SOX30: variants seen among roughly 807,000 people sequenced by gnomAD.
SOX30 encodes transcription factor SOX-30.
In SOX30, 17 loss-of-function variants were observed where a neutral mutation model predicts 58.6. The ratio of observed to expected loss-of-function variants is 0.29; its 90% CI spans 0.20 to 0.44. The LOEUF is 0.44. Ranked by LOEUF, SOX30 falls within the 20% of genes least tolerant of loss-of-function variation. The pLI, the probability that SOX30 is intolerant of heterozygous loss-of-function variation, is 1.00. For synonymous variants in SOX30, 421 were observed against 400.2 expected, an observed-to-expected ratio of 1.05 and a Z score of -0.62; for missense variants, 951 against 965.8, an observed-to-expected ratio of 0.98 and a Z score of 0.20.
At chr5:157,665,111 G>A (rs1408385899) in intron 2 of SOX30, among the ~76,000 whole-genome samples, 2 of 152,164 alleles carry the variant, frequency 1.3e-5, no homozygotes, top group Admixed American at 6.6e-5. Context: ...TATACCCAAA[G>A]GATTATAAAT....
chr5:157,651,859 T>G lies in SOX30; in HGVS notation c.220A>C (p.Lys74Gln), dbSNP rs766152126. The change falls in exon 1 of 5, where the codon AAG (lysine) becomes CAG (glutamine). Residue 74 changes from lysine (K) to glutamine (Q), a missense_variant. Physicochemically the swap from Lys to Gln is moderately conservative, Grantham distance 53. Transcript: ENST00000265007. ...GGTAGCAGCAACACCTGCTCTGGCTTCACCTGCAGCAGCCGCCGCACCGCG... is the reference window on the plus strand; with the variant it reads ...GGTAGCAGCAACACCTGCTCTGGCTGCACCTGCAGCAGCCGCCGCACCGCG... ...QPAVRRLLQV[K>Q]PEQVLLLPQP... 3.8e-6 allele frequency: 6 copies of G among 1,571,208 alleles called. No homozygotes were observed. Among genetic ancestry groups the G allele is most frequent in the Non-Finnish European group, 2.6e-6 (3 of 1,163,284 alleles).
Position 157,626,577 on chromosome 5 carries a change from G to A in SOX30, c.2025C>T (p.Tyr675=). The change falls in exon 5 of 5, where the codon TAC becomes TAT. Residue 675 remains tyrosine (Y), a synonymous_variant. Transcript: ENST00000265007. ...TTTCACTGTGTGTGCATTCACTTGA[G>A]TAGTCTCTAAAAGAATAGTCTCTAT... ...TLNRDYSFRD[Y]SSECTHSENS... is the part of the protein sequence containing the mutation. 2.5e-6 allele frequency: 4 copies of A among 1,614,138 alleles called. No homozygotes were observed. The highest frequency in any genetic ancestry group is 3.4e-6 in the Non-Finnish European group (4 of 1,180,028).
chr5:157,656,255 CAT>C (rs1454531618), upstream of SOX30, among the ~76,000 whole-genome samples: 2 of 152,156 alleles, frequency 1.3e-5, no homozygotes, highest in African/African-American at 2.4e-5. Context: ...AAAAATTAAA[CAT>C]ATAATGCCTT....
chr5:157,645,598 G>C (rs1759169128), intron 3 of SOX30, among the ~76,000 whole-genome samples: 1 of 152,026 alleles, frequency 6.6e-6, no homozygotes, highest in East Asian at 1.9e-4. Flanking sequence ...GGAGGGCAAG[G>C]CTGCAGTGAC....
chr5:157,666,709 TTTTTG>T (rs774505422), intron 2 of SOX30, among the ~76,000 whole-genome samples: 10 of 152,086 alleles, frequency 6.6e-5, no homozygotes, highest in Non-Finnish European at 1.3e-4. Context: ...TGGATGAGGT[TTTTTG>T]TTTTGTTTTG....
chr5:157,665,875 T>A (rs1414152516), intron 2 of SOX30, among the ~76,000 whole-genome samples: 2 of 150,630 alleles, frequency 1.3e-5, no homozygotes, highest in Non-Finnish European at 3.0e-5. Flanking sequence ...AAACCTGGTC[T>A]GACTGACCAT....
chr5:157,641,650 T>C (rs1042463575), intron 3 of SOX30, among the ~76,000 whole-genome samples: 1 of 152,140 alleles, frequency 6.6e-6, no homozygotes, highest in East Asian at 1.9e-4. Flanking sequence ...AAGTAGATTC[T>C]ATCAAAGAAA....
chr5:157,650,858 C>A (rs1249769236), intron 1 of SOX30, among the ~76,000 whole-genome samples: 1 of 152,116 alleles, frequency 6.6e-6, no homozygotes, highest in Non-Finnish European at 1.5e-5. Context: ...TTTTTGTGTA[C>A]AAAAATTAGT....
chr5:157,661,490 C>G (rs1394743601), intron 2 of SOX30, among the ~76,000 whole-genome samples: 1 of 152,192 alleles, frequency 6.6e-6, no homozygotes, highest in African/African-American at 2.4e-5. Context: ...TGCAACCAAT[C>G]AACTCTGCTT....
At chr5:157,629,404 A>C (rs189713159) in intron 4 of SOX30, among the ~76,000 whole-genome samples, 10 of 152,340 alleles carry the variant, frequency 6.6e-5, no homozygotes, top group Admixed American at 6.5e-4. Context: ...CTTGGTAGAT[A>C]ATTTTTTAAA....
chr5:157,635,915 C>T (rs988085876), intron 4 of SOX30, among the ~76,000 whole-genome samples: 3 of 152,186 alleles, frequency 2.0e-5, no homozygotes, highest in African/African-American at 4.8e-5. Context: ...AGAAGTCTTA[C>T]TGATATAGTA....
chr5:157,666,524 CA>C (rs1561591737), intron 2 of SOX30, among the ~76,000 whole-genome samples: 45 of 138,198 alleles, frequency 3.3e-4, no homozygotes, highest in African/African-American at 1.1e-3. Context: ...CACACACACA[CA>C]CACCTCAGTT....
rs1157673825 is a variant in SOX30 at position 157,651,484 on chromosome 5, C to G, written c.595G>C (p.Gly199Arg). 6.2e-7 allele frequency: 1 copy of G among 1,613,462 alleles called. No homozygotes were observed. Among genetic ancestry groups the G allele is most frequent in the Non-Finnish European group, 8.5e-7 (1 of 1,180,016 alleles). The change falls in exon 1 of 5, where the codon GGG becomes CGG. Residue 199 changes from glycine (G) to arginine (R), a missense_variant. Gly to Arg is a moderately radical substitution (Grantham distance 125, BLOSUM62 -2). This residue lies in a region of SOX30 where 363 missense variants were observed against 294.5 expected (regional missense o/e 1.23). Coordinates refer to ENST00000265007, the MANE Select transcript of SOX30 (RefSeq NM_178424.2). ...ATGGCTGCCGGGCTTTTGCCTGCCC[C>G]GCCTTGCATCGAGTCTCTCATGACC... ...EEVMRDSMQG[G>R]AGKSPAAIRE... is the part of the protein sequence containing the mutation.
intron 3 of SOX30, among the ~76,000 whole-genome samples, chr5:157,639,742 C>A (rs1581393913): frequency 6.6e-6 from 1 of 152,314 alleles, no homozygotes; most frequent in East Asian, 1.9e-4. Flanking sequence ...TAACGTATTG[C>A]AATACAGTTT....
In SOX30 at chr5:157,626,596, T is replaced by C. The variant is rs1052514350; in HGVS notation, c.2006A>G (p.Asp669Gly). The change falls in exon 5 of 5, where the codon GAC (aspartate) becomes GGC (glycine). Residue 669 changes from aspartate (D) to glycine (G), a missense_variant. Physicochemically the swap from Asp to Gly is moderately conservative, Grantham distance 94. This residue lies in a region of SOX30 where 381 missense variants were observed against 390.0 expected (regional missense o/e 0.98). Coordinates refer to ENST00000265007, the MANE Select transcript of SOX30 (RefSeq NM_178424.2). ...HEGIFSTLNR[D>G]YSFRDYSSEC... Reference sequence around the variant, plus strand: ...ACTTGAGTAGTCTCTAAAAGAATAGTCTCTATTTAAAGTTGAAAAGATACC... The same window carrying C: ...ACTTGAGTAGTCTCTAAAAGAATAGCCTCTATTTAAAGTTGAAAAGATACC... 3.1e-6 allele frequency: 5 copies of C among 1,614,030 alleles called. No individual in the cohort carries two copies. The African/African-American group carries it at 5.3e-5, about 17-fold the overall frequency.
In SOX30 at chr5:157,638,449, T is replaced by C. The variant is rs762040026; in HGVS notation, c.1661A>G (p.His554Arg). Residue 554 changes from histidine (H) to arginine (R), a missense_variant, in exon 4 of 5, where the codon CAT becomes CGT. By Grantham distance (29) the His-to-Arg change is conservative (BLOSUM62 0). Around this residue, in one of 7 missense-constraint regions of SOX30, gnomAD observed 381 missense variants for 390.0 expected, o/e 0.98. Coordinates refer to ENST00000265007, the MANE Select transcript of SOX30 (RefSeq NM_178424.2). ...NRISSSASTA[H>R]ARFATSTIQP... ...GATGGTCGAAGTTGCAAATCTGGCA[T>C]GGGCAGTACTTGCACTACTTGAAAT... The C allele has an allele frequency of 9.9e-6, 16 of 1,614,116 alleles. No homozygotes were observed. In the East Asian group the frequency reaches 2.2e-4, roughly 22 times the overall value.
At chr5:157,647,955 G>C (rs975865152) in intron 2 of SOX30, among the ~76,000 whole-genome samples, 2 of 152,150 alleles carry the variant, frequency 1.3e-5, no homozygotes, top group African/African-American at 2.4e-5. Flanking sequence ...TCCAAAGTCA[G>C]AACAGTGGAA....
At chr5:157,643,100 G>A (rs902197728) in intron 3 of SOX30, among the ~76,000 whole-genome samples, 8 of 147,740 alleles carry the variant, frequency 5.4e-5, no homozygotes, top group African/African-American at 1.3e-4. Context: ...AGAAGAAAAC[G>A]GACAACAACA....
At chr5:157,627,990 T>A (rs1168741370) in intron 4 of SOX30, among the ~76,000 whole-genome samples, 3 of 143,442 alleles carry the variant, frequency 2.1e-5, no homozygotes, top group Non-Finnish European at 4.5e-5. Flanking sequence ...TGAGACTCCA[T>A]CTCAAAAAAA....
Sources: allele counts gnomAD v4.1 joint callset (sites outside exome capture counted in the v4.1 genomes callset), GRCh38; gene constraint gnomAD v4.1.1; regional missense constraint gnomAD v4.1.1; transcripts MANE v1.5; gene names NCBI Gene and HGNC (gene_info 2026-07-23, HGNC 2026-07-21).